Variants in RSPRY1 observed in about 807,000 individuals in gnomAD.
The protein encoded by RSPRY1 is ring finger and SPRY domain containing 1, also known as RING finger and SPRY domain-containing protein 1.
RSPRY1 carries 23 observed loss-of-function variants against 73.1 expected under a neutral mutation model. The observed-to-expected ratio is 0.31, with a 90% CI of 0.23 to 0.45. The LOEUF is 0.45. Ranked by LOEUF, RSPRY1 falls within the 20% of genes least tolerant of loss-of-function variation. RSPRY1 has a pLI of 1.00. For synonymous variants in RSPRY1, 226 were observed against 251.4 expected (o/e 0.90, Z 0.95); for missense variants, 448 against 698.7 (o/e 0.64, Z 4.05).
chr16:57,220,999 T>A, intron 9 of RSPRY1, 152 bp downstream of exon 9: 1 of 672,596 alleles, frequency 1.5e-6, no homozygotes, highest in Non-Finnish European at 2.6e-6. Flanking sequence ...AAAGAGCTGC[T>A]TATGAACAGA....
intron 13 of RSPRY1, among the ~76,000 whole-genome samples, chr16:57,232,254 G>A (rs540686624): frequency 6.6e-6 from 1 of 152,192 alleles, no homozygotes; most frequent in East Asian, 1.9e-4. Context: ...GCAGTGCTCT[G>A]GGCTGTGCTT....
At position 57,209,079 on chromosome 16, in the gene RSPRY1, A is replaced by C. The variant is rs146849995; in HGVS notation, c.408A>C (p.Glu136Asp). 54 of 1,602,134 alleles carry C rather than the reference A, an allele frequency of 3.4e-5. No individual in the cohort carries two copies. In the African/African-American group the frequency reaches 6.4e-4, roughly 19 times the overall value. Reference sequence around the variant, plus strand: ...ATCTTCTTGATTTGCTCTTAGATGAAGGATGGTTGGATGTTGTCCAGTCTT... The same window carrying C: ...ATCTTCTTGATTTGCTCTTAGATGACGGATGGTTGGATGTTGTCCAGTCTT... ...ITLHEMAETD[E>D]GWLDVVQSLI... is the part of the protein sequence containing the mutation. Residue 136 changes from glutamate (E) to aspartate (D), a missense_variant, in exon 4 of 15, where the codon GAA (glutamate) becomes GAC (aspartate). By Grantham distance (45) the Glu-to-Asp change is conservative (BLOSUM62 2). Coordinates refer to ENST00000394420, the MANE Select transcript of RSPRY1 (RefSeq NM_133368.3).
intron 4 of RSPRY1, among the ~76,000 whole-genome samples, chr16:57,212,250 A>G (rs1366528597): frequency 5.9e-5 from 9 of 152,182 alleles, no homozygotes; most frequent in Non-Finnish European, 1.0e-4. Flanking sequence ...GGTAAAGGCT[A>G]CAGTGAGCCA....
intron 1 of RSPRY1, among the ~76,000 whole-genome samples, chr16:57,192,655 C>T (rs2074370219): frequency 6.6e-6 from 1 of 150,634 alleles, no homozygotes; most frequent in Admixed American, 6.6e-5. Flanking sequence ...AGATGCACTG[C>T]TACTAGGTTA....
At chr16:57,196,087 A>G (rs1395494522) in intron 1 of RSPRY1, among the ~76,000 whole-genome samples, 2 of 149,990 alleles carry the variant, frequency 1.3e-5, no homozygotes, top group African/African-American at 4.9e-5. Context: ...ATATAATCTC[A>G]TCTTACTCAT....
At chr16:57,202,529 G>T (rs2074638070) in intron 1 of RSPRY1, among the ~76,000 whole-genome samples, 1 of 152,186 alleles carries the variant, frequency 6.6e-6, no homozygotes, top group African/African-American at 2.4e-5. Context: ...ATCATACTCT[G>T]ATCCCCACAG....
At chr16:57,203,755 G>A (rs2074670487) in intron 1 of RSPRY1, among the ~76,000 whole-genome samples, 1 of 152,168 alleles carries the variant, frequency 6.6e-6, no homozygotes, top group Non-Finnish European at 1.5e-5. Flanking sequence ...TCCTTAGTCA[G>A]TATTTTCAGG....
intron 2 of RSPRY1, among the ~76,000 whole-genome samples, chr16:57,206,557 T>G (rs1164909384): frequency 3.3e-5 from 5 of 152,048 alleles, no homozygotes; most frequent in Non-Finnish European, 7.4e-5. Context: ...AGAGAGAGTT[T>G]TTTTGTTTTG....
In RSPRY1 at chr16:57,209,713, A is replaced by C. The variant is rs111309292; in HGVS notation, c.516+526A>C. On this transcript the variant is annotated intron_variant, in intron 4 of 14. Transcript: ENST00000394420. ...TTTTGAAACAGGGTCTCACTTTGTC[A>C]CCCAGGCTGGCGTGCAGTAGAGCAA... Among the ~76,000 whole-genome samples, 1,266 of 151,560 alleles carry C rather than the reference A, an allele frequency of 8.4e-3. 16 individuals carry two copies. The highest frequency in any genetic ancestry group is 0.029 in the African/African-American group (1,187 of 41,262).
intron 8 of RSPRY1, among the ~76,000 whole-genome samples, chr16:57,219,156 T>G (rs1389477821): frequency 6.6e-6 from 1 of 152,226 alleles, no homozygotes; most frequent in Non-Finnish European, 1.5e-5. Flanking sequence ...ACTAATTTCC[T>G]TTCTTTTTGG....
At chr16:57,221,545 G>A in intron 10 of RSPRY1, 130 bp downstream of exon 10, 1 of 912,662 alleles carries the variant, frequency 1.1e-6, no homozygotes, top group Non-Finnish European at 1.6e-6. Context: ...GAGCCACATG[G>A]TACCAGGTCC....
At chr16:57,206,435 A>G (rs566965233) in intron 2 of RSPRY1, among the ~76,000 whole-genome samples, 1 of 152,340 alleles carries the variant, frequency 6.6e-6, no homozygotes, top group South Asian at 2.1e-4. Context: ...AAAATTTTTT[A>G]AATCCCTTGT....
chr16:57,195,727 A>G (rs1011808178), intron 1 of RSPRY1, among the ~76,000 whole-genome samples: 7 of 151,442 alleles, frequency 4.6e-5, no homozygotes, highest in African/African-American at 1.7e-4. Flanking sequence ...GTTAAGGTAA[A>G]GAATATAGGT....
chr16:57,187,431 G>A (rs541021853), intron 1 of RSPRY1, among the ~76,000 whole-genome samples: 1 of 152,314 alleles, frequency 6.6e-6, no homozygotes, highest in African/African-American at 2.4e-5. Context: ...ACTTTGAAGG[G>A]TTAGAAGTGT....
chr16:57,235,024 T>C, intron 13 of RSPRY1, 100 bp from the exon 14 acceptor site: 1 of 757,176 alleles, frequency 1.3e-6, no homozygotes, highest in Admixed American at 2.3e-5. Flanking sequence ...TTAAGGAATA[T>C]ATGTCACAGG....
intron 1 of RSPRY1, among the ~76,000 whole-genome samples, chr16:57,195,145 C>T (rs1484910206): frequency 6.6e-6 from 1 of 152,194 alleles, no homozygotes; most frequent in East Asian, 1.9e-4. Flanking sequence ...AATAATACCA[C>T]ACTTCAGAGA....
chr16:57,216,151 A>G lies in RSPRY1; in HGVS notation c.747A>G (p.Ala249=), dbSNP rs962511623. 2 of 1,610,658 alleles carry G rather than the reference A, an allele frequency of 1.2e-6. No homozygotes were observed. Among genetic ancestry groups the G allele is most frequent in the Non-Finnish European group, 1.7e-6 (2 of 1,178,838 alleles). The change falls in exon 7 of 15, where the codon GCA becomes GCG. Residue 249 remains alanine, a synonymous_variant. Transcript: ENST00000394420. ...HPTVMLFALI[A]LEKFAQTSEN... ...CAGTCATGCTTTTTGCACTTATCGC[A>G]CTGGAAAAGTTTGCACAGACAAGTA... is the stretch of plus-strand genomic sequence containing the variant.
chr16:57,239,816 TAA>T lies in RSPRY1; in HGVS notation c.*848_*849del, dbSNP rs745666473. ...TCAAATCAGATTTCTGTTTTTTTGT[TAA>T]AAAAAATTTTTTTAATCAGTATTGT... is the stretch of plus-strand genomic sequence containing the variant. On this transcript the variant is annotated 3_prime_UTR_variant, in exon 15 of 15. Coordinates refer to ENST00000394420, the MANE Select transcript of RSPRY1 (RefSeq NM_133368.3). 6.6e-6 allele frequency: 1 copy of T among 152,056 alleles called. No individual in the cohort carries two copies. The highest frequency in any genetic ancestry group is 2.4e-5 in the African/African-American group (1 of 41,434). The allele number at this position is 152,056 out of a possible 1,614,324, so 9.4% of individuals were successfully genotyped here.
At chr16:57,229,916 G>C (rs763172798) in intron 11 of RSPRY1, among the ~76,000 whole-genome samples, 1 of 148,400 alleles carries the variant, frequency 6.7e-6, no homozygotes, top group Admixed American at 6.8e-5. Flanking sequence ...CATGTTGGCT[G>C]TGCTGGTCTC....
Sources: gnomAD v4.1 joint callset for allele counts (sites outside exome capture counted in the v4.1 genomes callset) on GRCh38, gnomAD v4.1.1 for gene constraint, MANE v1.5 for transcripts, NCBI Gene and HGNC (gene_info 2026-07-23, HGNC 2026-07-21) for gene names.